Variants in NELL1 observed in about 807,000 individuals in gnomAD.
The protein encoded by NELL1 is neural EGFL like 1.
Under a neutral mutation model 107.4 loss-of-function variants are expected in NELL1, and 76 were observed. That is an observed-to-expected ratio of 0.71 (90% CI 0.59 to 0.86). NELL1 has a LOEUF of 0.86. Among genes scored for constraint, NELL1 ranks in the 40% least tolerant of loss-of-function variants. The pLI is 0.00. For synonymous variants in NELL1, 353 were observed against 341.2 expected, an observed-to-expected ratio of 1.03 and a Z score of -0.38; for missense variants, 1,024 against 1,005.5, an observed-to-expected ratio of 1.02 and a Z score of -0.25.
intron 12 of NELL1, among the ~76,000 whole-genome samples, chr11:21,100,081 G>A (rs112847795): frequency 0.018 from 2,801 of 151,768 alleles, 87 homozygotes; most frequent in African/African-American, 0.064. Flanking sequence ...CAATGTCACA[G>A]TCTTGGCTCA....
chr11:20,983,263 G>A (rs982485133), intron 12 of NELL1, among the ~76,000 whole-genome samples: 40 of 152,036 alleles, frequency 2.6e-4, no homozygotes, highest in African/African-American at 9.4e-4. Context: ...CTCTTGGCTC[G>A]CTTTCCTTTC....
At chr11:21,561,661 CGAT>C (rs1325162445) in intron 17 of NELL1, among the ~76,000 whole-genome samples, 2 of 152,072 alleles carry the variant, frequency 1.3e-5, no homozygotes, top group African/African-American at 4.8e-5. Context: ...TAACACTCTA[CGAT>C]GATATTTATT....
intron 15 of NELL1, among the ~76,000 whole-genome samples, chr11:21,463,012 G>A (rs927592604): frequency 3.3e-5 from 5 of 151,532 alleles, no homozygotes; most frequent in Admixed American, 2.6e-4. Context: ...TTTCAAAATA[G>A]GTTCCTTGAA....
chr11:21,364,616 A>G (rs1851171703), intron 14 of NELL1, among the ~76,000 whole-genome samples: 1 of 152,164 alleles, frequency 6.6e-6, no homozygotes, highest in Non-Finnish European at 1.5e-5. Flanking sequence ...ATACATACTA[A>G]GAATACATTT....
At chr11:21,514,048 T>C (rs1855501026) in intron 15 of NELL1, among the ~76,000 whole-genome samples, 1 of 152,210 alleles carries the variant, frequency 6.6e-6, no homozygotes, top group Non-Finnish European at 1.5e-5. Context: ...TAAAACTTGA[T>C]TAATCTTTAA....
intron 14 of NELL1, among the ~76,000 whole-genome samples, chr11:21,330,592 T>C (rs1850251529): frequency 6.6e-6 from 1 of 152,128 alleles, no homozygotes; most frequent in African/African-American, 2.4e-5. Flanking sequence ...TGTCAGTTGT[T>C]AATCTGCCTG....
chr11:21,533,391 A>G (rs1021345813), intron 15 of NELL1, among the ~76,000 whole-genome samples: 4 of 152,208 alleles, frequency 2.6e-5, no homozygotes, highest in African/African-American at 9.6e-5. Flanking sequence ...TTAAATTTAT[A>G]TTCATATGAG....
At chr11:21,138,523 A>G (rs1181126867) in intron 13 of NELL1, among the ~76,000 whole-genome samples, 3 of 152,144 alleles carry the variant, frequency 2.0e-5, no homozygotes, top group Non-Finnish European at 4.4e-5. Context: ...GCCTGTTGTG[A>G]ATTTTTCTCC....
At chr11:21,293,879 A>G (rs928349110) in intron 14 of NELL1, among the ~76,000 whole-genome samples, 4 of 152,136 alleles carry the variant, frequency 2.6e-5, no homozygotes, top group South Asian at 2.1e-4. Context: ...AAGTTGAACA[A>G]TGAAAACACA....
intron 13 of NELL1, among the ~76,000 whole-genome samples, chr11:21,154,871 A>G (rs963352384): frequency 6.6e-6 from 1 of 152,198 alleles, no homozygotes; most frequent in Non-Finnish European, 1.5e-5. Context: ...GGACGTGATG[A>G]GCATAGATAA....
In NELL1 at chr11:20,783,780, G is replaced by A. The variant is rs200566475; in HGVS notation, c.285G>A (p.Gln95=). The part of the protein sequence containing the change: ...SEFTILATVQ[Q]KPSTSGVILS... ...TCACCATTTTGGCCACTGTACAGCA[G>A]AAGCCATCCACTTCAGGAGTGATAC... The change falls in exon 3 of 20, where the codon CAG becomes CAA. Residue 95 remains glutamine (Q), a synonymous_variant. Coordinates refer to ENST00000357134, the MANE Select transcript of NELL1 (RefSeq NM_006157.5). 2.2e-4 allele frequency: 363 copies of A among 1,613,932 alleles called. 2 individuals are homozygous for A. Among genetic ancestry groups the A allele is most frequent in the Admixed American group, 2.0e-4 (12 of 59,994 alleles).
intron 12 of NELL1, among the ~76,000 whole-genome samples, chr11:20,997,988 C>CA (rs898216248): frequency 6.6e-6 from 1 of 151,312 alleles, no homozygotes; most frequent in Non-Finnish European, 1.5e-5. Context: ...AACAAACAAA[C>CA]AAAAAATGAA....
At position 20,819,225 on chromosome 11, in the gene NELL1, G is replaced by A. The variant is rs1354414767; in HGVS notation, c.336-28358G>A. Among the ~76,000 whole-genome samples, 4 of 152,132 alleles carry A rather than the reference G, an allele frequency of 2.6e-5. No homozygotes were observed. The East Asian group carries it at 5.8e-4, about 22-fold the overall frequency. ...AATGCTGCATGTACAGCATTGATTC[G>A]AGGCCATGATGGACTTTCAGTCTAG... On this transcript the variant is annotated intron_variant, in intron 3 of 19. Coordinates refer to ENST00000357134, the MANE Select transcript of NELL1 (RefSeq NM_006157.5).
At chr11:20,762,282 C>T (rs187529069) in intron 2 of NELL1, among the ~76,000 whole-genome samples, 31 of 152,282 alleles carry the variant, frequency 2.0e-4, no homozygotes, top group African/African-American at 5.5e-4. Context: ...AGAGAACACA[C>T]GTGGTCCTTC....
At position 21,395,983 on chromosome 11, in the gene NELL1, T is replaced by C. The variant is rs186861078; in HGVS notation, c.1645+25035T>C. The stretch of plus-strand genomic sequence containing the variant: ...GAGACCAAGTCAATTCATGCAGACT[T>C]AAAATGTCAATACCTTCTTCAATTC... On this transcript the variant is annotated intron_variant, in intron 15 of 19. Transcript: ENST00000357134. Among the ~76,000 whole-genome samples the C allele has an allele frequency of 4.6e-5, 7 of 151,704 alleles. No homozygotes were observed. In the East Asian group the frequency reaches 1.4e-3, roughly 30 times the overall value.
At chr11:20,875,162 A>C (rs1045274180) in intron 4 of NELL1, among the ~76,000 whole-genome samples, 2 of 152,210 alleles carry the variant, frequency 1.3e-5, no homozygotes, top group Admixed American at 1.3e-4. Context: ...TTGACCAAAA[A>C]GGTGTTTATT....
At chr11:20,838,871 C>G (rs947490868) in intron 3 of NELL1, among the ~76,000 whole-genome samples, 1 of 152,116 alleles carries the variant, frequency 6.6e-6, no homozygotes, top group African/African-American at 2.4e-5. Flanking sequence ...TCTTGCTATT[C>G]ATAAACATCT....
chr11:20,715,202 G>A (rs1855216649), intron 2 of NELL1, among the ~76,000 whole-genome samples: 2 of 151,836 alleles, frequency 1.3e-5, no homozygotes, highest in South Asian at 2.1e-4. Context: ...TTGACATCGC[G>A]CCATTGCATG....
At chr11:20,946,391 A>C (rs2134197229) in intron 10 of NELL1, among the ~76,000 whole-genome samples, 1 of 152,342 alleles carries the variant, frequency 6.6e-6, no homozygotes, top group South Asian at 2.1e-4. Flanking sequence ...TTTTTAAAAA[A>C]ATAGTAATTA....
Sources: allele counts gnomAD v4.1 joint callset (sites outside exome capture counted in the v4.1 genomes callset), GRCh38; gene constraint gnomAD v4.1.1; transcripts MANE v1.5; gene names NCBI Gene and HGNC (gene_info 2026-07-23, HGNC 2026-07-21).